FGD4: variants seen among roughly 807,000 people sequenced by gnomAD.
FGD4 encodes FYVE, RhoGEF and PH domain-containing protein 4.
In FGD4, 42 loss-of-function variants were observed where a neutral mutation model predicts 102.0. That is an observed-to-expected ratio of 0.41 (90% CI 0.32 to 0.53). The LOEUF (loss-of-function observed/expected upper bound fraction) is 0.53, where lower values mean the gene tolerates loss of function less well. Among genes scored for constraint, FGD4 ranks in the 20% least tolerant of loss-of-function variants. The probability of loss-of-function intolerance (pLI) is 0.21; values close to 1 mark genes in which losing one functional copy is unlikely to be tolerated. For missense variants in FGD4, 902 were observed against 1,078.2 expected (o/e 0.84, Z 2.29); for synonymous variants, 380 against 375.7 (o/e 1.01, Z -0.13).
In FGD4 at chr12:32,465,416, T is replaced by G. The variant is rs972299343; in HGVS notation, c.166+65457T>G. 3.9e-5 allele frequency among the ~76,000 whole-genome samples: 6 copies of G among 152,040 alleles called. No homozygotes were observed. In the East Asian group the frequency reaches 1.2e-3, roughly 29 times the overall value. ...TGGGTGCGGTGGCTCACACCTGTAA[T>G]CCCAGCACTTTGGGAGGCTGAGGCG... is the stretch of plus-strand genomic sequence containing the variant. On this transcript the variant is annotated intron_variant, in intron 1 of 16. Transcript: ENST00000534526.
At chr12:32,563,656 G>C (rs1225618463) in intron 1 of FGD4, among the ~76,000 whole-genome samples, 1 of 152,168 alleles carries the variant, frequency 6.6e-6, no homozygotes, top group Non-Finnish European at 1.5e-5. Context: ...AGGCGGCTGG[G>C]AGGTGGAGGT....
At chr12:32,516,860 G>A (rs1446284520) in intron 1 of FGD4, among the ~76,000 whole-genome samples, 1 of 152,168 alleles carries the variant, frequency 6.6e-6, no homozygotes, top group Admixed American at 6.5e-5. Flanking sequence ...AAAAGAATGG[G>A]AAACTTGGCA....
intron 14 of FGD4, among the ~76,000 whole-genome samples, chr12:32,632,705 A>ATTTTTTTTTT (rs1275380016): frequency 8.0e-6 from 1 of 124,886 alleles, no homozygotes; most frequent in African/African-American, 3.2e-5. Flanking sequence ...TTATTTATTT[A>ATTTTTTTTTT]TTTATTTATT....
Position 32,619,736 on chromosome 12 carries a change from C to T in FGD4, c.1788C>T (p.Ser596=), listed in dbSNP as rs1263595719. The stretch of plus-strand genomic sequence containing the variant: ...TGCTGTACTGTGTGCCCAAATTCAG[C>T]TTGGTAGGCTCTAAATTCACAGTTC... ...NMLLYCVPKF[S]LVGSKFTVRT... The change falls in exon 11 of 17, where the codon AGC becomes AGT. Residue 596 remains serine (S), a synonymous_variant. Transcript: ENST00000534526. The T allele has an allele frequency of 6.2e-7, 1 of 1,614,100 alleles. No individual in the cohort carries two copies. The highest frequency in any genetic ancestry group is 2.2e-5 in the East Asian group (1 of 44,874).
intron 1 of FGD4, among the ~76,000 whole-genome samples, chr12:32,453,237 A>ATATATT (rs768366013): frequency 2.2e-5 from 2 of 90,548 alleles, no homozygotes; most frequent in Non-Finnish European, 2.0e-5. Context: ...ATATATATAT[A>ATATATT]TTTTTTTTTT....
chr12:32,638,721 A>G lies in FGD4; in HGVS notation c.2380A>G (p.Lys794Glu), dbSNP rs750992696. The G allele has an allele frequency of 6.2e-7, 1 of 1,614,220 alleles. No individual in the cohort carries two copies. The highest frequency in any genetic ancestry group is 1.1e-5 in the South Asian group (1 of 91,088). Residue 794 changes from lysine (K) to glutamate (E), a missense_variant, in exon 16 of 17, where the codon AAA becomes GAA. By Grantham distance (56) the Lys-to-Glu change is moderately conservative. Transcript: ENST00000534526. ...CSFLQYMEKS[K>E]PWQKAWCVIP... The stretch of plus-strand genomic sequence containing the variant: ...CTTTCTTCAGTATATGGAGAAGTCA[A>G]AACCTTGGCAGAAAGCTTGGTGTGT...
chr12:32,608,169 G>A (rs1948909089), intron 8 of FGD4, 74 bp downstream of exon 8: 4 of 1,560,922 alleles, frequency 2.6e-6, no homozygotes, highest in Non-Finnish European at 3.5e-6. Context: ...GTTTCAAAGA[G>A]AAATACATCT....
intron 1 of FGD4, among the ~76,000 whole-genome samples, chr12:32,437,457 G>C (rs1273720320): frequency 2.0e-5 from 3 of 152,146 alleles, no homozygotes; most frequent in Non-Finnish European, 4.4e-5. Flanking sequence ...GTGTCCAACC[G>C]CACCCAGATG....
Position 32,611,208 on chromosome 12 carries a change from T to G in FGD4, c.1674T>G (p.Asn558Lys). 6.2e-7 allele frequency: 1 copy of G among 1,614,154 alleles called. No individual in the cohort carries two copies. The highest frequency in any genetic ancestry group is 2.2e-5 in the East Asian group (1 of 44,874). ...GEEEDIVNPSNELIKEGQILK... is the reference protein window; with the variant it reads ...GEEEDIVNPSKELIKEGQILK... ...AAGAAGACATTGTAAACCCTTCAAA[T>G]GAACTAATAAAAGAAGGACAGATCC... The change falls in exon 10 of 17, where the codon AAT (asparagine) becomes AAG (lysine). Residue 558 changes from asparagine to lysine, a missense_variant. By Grantham distance (94) the Asn-to-Lys change is moderately conservative. Transcript: ENST00000534526.
At chr12:32,429,174 G>A (rs895914164) in intron 1 of FGD4, among the ~76,000 whole-genome samples, 38 of 152,204 alleles carry the variant, frequency 2.5e-4, no homozygotes, top group African/African-American at 8.2e-4. Flanking sequence ...TCTACCTTTG[G>A]TCTTTGATGT....
intron 5 of FGD4, 117 bp downstream of exon 5, chr12:32,598,703 G>T: frequency 2.5e-6 from 2 of 808,186 alleles, no homozygotes; most frequent in Non-Finnish European, 4.2e-6. Context: ...GCTAGTGAAA[G>T]GTACTTGCTC....
rs566184126 is a variant in FGD4, at chr12:32,462,316, C to T, written c.166+62357C>T. On this transcript the variant is annotated intron_variant, in intron 1 of 16. Coordinates refer to ENST00000534526, the MANE Select transcript of FGD4 (RefSeq NM_001370298.3). ...GGATTTCTGGTGCATGCTACCAGGC[C>T]TGGCTAATTTTTTTTTGTATTTTTA... 3.3e-5 allele frequency among the ~76,000 whole-genome samples: 5 copies of T among 152,202 alleles called. No homozygotes were observed. The South Asian group carries it at 1.0e-3, about 32-fold the overall frequency.
chr12:32,573,102 A>AT lies in FGD4; in HGVS notation c.320-3154dup, dbSNP rs888293891. Among the ~76,000 whole-genome samples, 54 of 150,198 alleles carry AT rather than the reference A, an allele frequency of 3.6e-4. 2 individuals carry two copies. In the South Asian group the frequency reaches 5.5e-3, roughly 15 times the overall value. ...GATCCTGGTTTTTAACTGGAATTGG[A>AT]TTTTTTTTTTGAGACGGGAGTTTCA... On this transcript the variant is annotated intron_variant, in intron 2 of 16. Coordinates refer to ENST00000534526, the MANE Select transcript of FGD4 (RefSeq NM_001370298.3).
At chr12:32,518,281 C>T (rs1294473264) in intron 1 of FGD4, among the ~76,000 whole-genome samples, 2 of 152,142 alleles carry the variant, frequency 1.3e-5, no homozygotes, top group Non-Finnish European at 2.9e-5. Flanking sequence ...GAGTTCAAGA[C>T]CAGCCTGACC....
chr12:32,489,293 C>G (rs1223636880), intron 1 of FGD4, among the ~76,000 whole-genome samples: 1 of 152,208 alleles, frequency 6.6e-6, no homozygotes, highest in Non-Finnish European at 1.5e-5. Flanking sequence ...ATCTTTCCAA[C>G]TCATTTGATC....
chr12:32,640,664 A>C lies in FGD4; in HGVS notation c.*131A>C. 1 of 1,260,684 alleles carries C rather than the reference A, an allele frequency of 7.9e-7. No homozygotes were observed. The highest frequency in any genetic ancestry group is 1.1e-6 in the Non-Finnish European group (1 of 892,358). 78.1% of individuals were successfully genotyped at this position (1,260,684 alleles called of 1,614,324 possible). A position where few individuals can be genotyped will look rare whatever the true frequency, so the allele number is the denominator to read the frequency against. ...CCCATAAATGCATCTTTTGAGGACTATTTTCCTATGTTTATGTACTCTTAG... is the reference window on the plus strand; with the variant it reads ...CCCATAAATGCATCTTTTGAGGACTCTTTTCCTATGTTTATGTACTCTTAG... On this transcript the variant is annotated 3_prime_UTR_variant, in exon 17 of 17. Transcript: ENST00000534526.
chr12:32,485,589 T>C (rs10844218), intron 1 of FGD4, among the ~76,000 whole-genome samples: 50,084 of 151,348 alleles, frequency 0.33, 8,384 homozygotes, highest in East Asian at 0.45. Context: ...TACAGGCGCC[T>C]GCCACCACGC....
chr12:32,576,598 C>A, intron 3 of FGD4, 149 bp downstream of exon 3: 1 of 879,924 alleles, frequency 1.1e-6, no homozygotes, highest in Non-Finnish European at 1.8e-6. Flanking sequence ...ATTTTTAAAA[C>A]GAATGACTTA....
intron 1 of FGD4, chr12:32,502,098 A>G: frequency 3.0e-6 from 3 of 985,498 alleles, no homozygotes; most frequent in Non-Finnish European, 3.6e-6. Context: ...ACTTCTACCA[A>G]TCGCCTTAGG....
Sources: allele counts gnomAD v4.1 joint callset (sites outside exome capture counted in the v4.1 genomes callset), GRCh38; gene constraint gnomAD v4.1.1; transcripts MANE v1.5; gene names NCBI Gene and HGNC (gene_info 2026-07-23, HGNC 2026-07-21).